ZYG11B: variants seen among roughly 807,000 people sequenced by gnomAD.
The protein encoded by ZYG11B is zyg-11 family member B, cell cycle regulator.
In ZYG11B, 36 loss-of-function variants were observed where a neutral mutation model predicts 82.4. That is an observed-to-expected ratio of 0.44 (90% CI 0.33 to 0.58). The LOEUF is 0.58. ZYG11B is among the 20% of genes least tolerant of loss of function. The pLI, the probability that ZYG11B is intolerant of heterozygous loss-of-function variation, is 0.02. For synonymous variants in ZYG11B, 303 were observed against 312.8 expected, an observed-to-expected ratio of 0.97 and a Z score of 0.33; for missense variants, 552 against 895.6, an observed-to-expected ratio of 0.62 and a Z score of 4.90.
intron 1 of ZYG11B, among the ~76,000 whole-genome samples, chr1:52,751,121 A>G (rs1293580418): frequency 6.6e-6 from 1 of 152,064 alleles, no homozygotes; most frequent in Non-Finnish European, 1.5e-5. Context: ...CTAAGACTAC[A>G]GATACCTGCT....
At chr1:52,731,197 C>A (rs887669876) in intron 1 of ZYG11B, among the ~76,000 whole-genome samples, 11 of 151,286 alleles carry the variant, frequency 7.3e-5, no homozygotes, top group Admixed American at 5.3e-4. Context: ...TGCTTGAACC[C>A]GGGAGGTGGA....
chr1:52,729,712 T>C (rs1930304), intron 1 of ZYG11B, among the ~76,000 whole-genome samples: 95,507 of 152,090 alleles, frequency 0.63, 32,005 homozygotes, highest in East Asian at 0.97. Flanking sequence ...TGGTGGCACA[T>C]GCCTGTAATC....
intron 13 of ZYG11B, among the ~76,000 whole-genome samples, chr1:52,817,619 C>T (rs1262687595): frequency 2.7e-5 from 4 of 150,320 alleles, no homozygotes; most frequent in South Asian, 2.1e-4. Flanking sequence ...CTCCTAGGCT[C>T]GAACGATCTG....
chr1:52,736,014 T>C (rs1441111795), intron 1 of ZYG11B, among the ~76,000 whole-genome samples: 1 of 152,158 alleles, frequency 6.6e-6, no homozygotes, highest in Non-Finnish European at 1.5e-5. Context: ...ATTAAAAATA[T>C]CAAGATATTA....
chr1:52,746,687 G>GTTTTTTTTTTTTTTTTTTTTTTTTTTT, intron 1 of ZYG11B, among the ~76,000 whole-genome samples: 1 of 33,508 alleles, frequency 3.0e-5, no homozygotes, highest in African/African-American at 1.3e-4. Context: ...ATCGGCCACT[G>GTTTTTTTTTTTTTTTTTTTTTTTTTTT]TTTTTTTTTT....
At chr1:52,790,262 T>C (rs1230021870) in intron 6 of ZYG11B, among the ~76,000 whole-genome samples, 195 bp downstream of exon 6, 2 of 152,220 alleles carry the variant, frequency 1.3e-5, no homozygotes, top group South Asian at 2.1e-4. Context: ...AATTGACCCA[T>C]GTTTTCATAG....
chr1:52,761,570 CTTTA>C (rs1243602806), intron 2 of ZYG11B, among the ~76,000 whole-genome samples: 2 of 152,188 alleles, frequency 1.3e-5, no homozygotes, highest in Admixed American at 1.3e-4. Context: ...ACCACATGTT[CTTTA>C]TTCATTCATC....
intron 5 of ZYG11B, among the ~76,000 whole-genome samples, chr1:52,789,635 C>T (rs1644939735): frequency 6.6e-6 from 1 of 152,156 alleles, no homozygotes; most frequent in South Asian, 2.1e-4. Flanking sequence ...GTCTTCCAAG[C>T]AGGCTCGTCT....
chr1:52,794,494 C>T (rs954092687), intron 6 of ZYG11B, among the ~76,000 whole-genome samples: 1 of 152,114 alleles, frequency 6.6e-6, no homozygotes, highest in South Asian at 2.1e-4. Context: ...ATTTATGTTT[C>T]GATCACTGTA....
At chr1:52,751,841 T>C (rs764556084) in intron 1 of ZYG11B, among the ~76,000 whole-genome samples, 10 of 152,144 alleles carry the variant, frequency 6.6e-5, no homozygotes, top group Non-Finnish European at 1.3e-4. Context: ...TTTTTCCTTC[T>C]TTATACTCCT....
intron 5 of ZYG11B, among the ~76,000 whole-genome samples, chr1:52,786,625 C>G (rs1644914933): frequency 6.6e-6 from 1 of 152,072 alleles, no homozygotes; most frequent in African/African-American, 2.4e-5. Context: ...GGCACACCAT[C>G]TGTGGTCCCA....
intron 10 of ZYG11B, chr1:52,805,488 G>A (rs1235551393): frequency 2.2e-6 from 1 of 455,872 alleles, no homozygotes. Context: ...ATGATTATTT[G>A]ATACAGAAGT....
Position 52,796,283 on chromosome 1 carries a change from T to C in ZYG11B, c.1335-9T>C. 1 of 1,610,908 alleles carries C rather than the reference T, an allele frequency of 6.2e-7. No homozygotes were observed. The highest frequency in any genetic ancestry group is 1.1e-5 in the South Asian group (1 of 90,926). On this transcript the variant is annotated splice_polypyrimidine_tract_variant and intron_variant, in intron 6 of 13. Coordinates refer to ENST00000294353, the MANE Select transcript of ZYG11B (RefSeq NM_024646.3). ...CGATTAATTCATGAAACCCTTTTTGTGTTTTCAGGTTTGAAGCAGCCAAGC... is the reference window on the plus strand; with the variant it reads ...CGATTAATTCATGAAACCCTTTTTGCGTTTTCAGGTTTGAAGCAGCCAAGC...
At chr1:52,758,679 A>G (rs1644600603) in intron 2 of ZYG11B, among the ~76,000 whole-genome samples, 1 of 152,178 alleles carries the variant, frequency 6.6e-6, no homozygotes, top group South Asian at 2.1e-4. Flanking sequence ...AGTAGGATGA[A>G]ATGAGGCTGT....
chr1:52,759,748 T>A (rs1571756549), intron 2 of ZYG11B, among the ~76,000 whole-genome samples: 2 of 152,252 alleles, frequency 1.3e-5, no homozygotes, highest in East Asian at 3.8e-4. Flanking sequence ...TAAAAGTTGC[T>A]TTATACATTT....
At position 52,827,003 on chromosome 1, in the gene ZYG11B, C is replaced by G. The variant is rs895991195; in HGVS notation, c.*5374C>G. The G allele has an allele frequency of 6.6e-6, 1 of 152,138 alleles. No individual in the cohort carries two copies. Among genetic ancestry groups the G allele is most frequent in the Non-Finnish European group, 1.5e-5 (1 of 68,020 alleles). The allele number at this position is 152,138 out of a possible 1,614,324, so 9.4% of individuals were successfully genotyped here. A position where few individuals can be genotyped will look rare whatever the true frequency, so the allele number is the denominator to read the frequency against. On this transcript the variant is annotated 3_prime_UTR_variant, in exon 14 of 14. Transcript: ENST00000294353. ...TATACTCTCAGATAATCTGCAACAACAAAAATTAAGAAATCCCTGACTTTT... is the reference window on the plus strand; with the variant it reads ...TATACTCTCAGATAATCTGCAACAAGAAAAATTAAGAAATCCCTGACTTTT...
rs1644841250 is a variant in ZYG11B, at chr1:52,779,922, G to A, written c.1021G>A (p.Val341Ile). The A allele has an allele frequency of 1.2e-6, 2 of 1,614,066 alleles. No individual in the cohort carries two copies. Among genetic ancestry groups the A allele is most frequent in the South Asian group, 1.1e-5 (1 of 91,086 alleles). Residue 341 changes from valine (V) to isoleucine (I), a missense_variant, in exon 4 of 14, where the codon GTT (valine) becomes ATT (isoleucine). Physicochemically the swap from Val to Ile is conservative, Grantham distance 29. Coordinates refer to ENST00000294353, the MANE Select transcript of ZYG11B (RefSeq NM_024646.3). The part of the protein sequence containing the change: ...LKRYSERAFF[V>I]REALFHLFSL... Reference sequence around the variant, plus strand: ...GCGTTACAGTGAACGGGCATTCTTTGTTCGGGAAGCTCTATTTCATCTTTT... The same window carrying A: ...GCGTTACAGTGAACGGGCATTCTTTATTCGGGAAGCTCTATTTCATCTTTT...
chr1:52,761,776 C>CT (rs2149932901), intron 2 of ZYG11B, among the ~76,000 whole-genome samples: 1 of 152,260 alleles, frequency 6.6e-6, no homozygotes, highest in South Asian at 2.1e-4. Context: ...TCCATAGAGT[C>CT]TGTACTAGTT....
At chr1:52,787,641 A>G (rs575176069) in intron 5 of ZYG11B, among the ~76,000 whole-genome samples, 1 of 152,370 alleles carries the variant, frequency 6.6e-6, no homozygotes, top group East Asian at 1.9e-4. Context: ...GTAAGGCAGA[A>G]TCTCAAGATA....
Sources: allele counts gnomAD v4.1 joint callset (sites outside exome capture counted in the v4.1 genomes callset), GRCh38; gene constraint gnomAD v4.1.1; transcripts MANE v1.5; gene names NCBI Gene and HGNC (gene_info 2026-07-23, HGNC 2026-07-21).